The following GNPDA1 variants were observed in gnomAD, a reference collection of about 807,000 sequenced individuals.
The protein encoded by GNPDA1 is glucosamine-6-phosphate deaminase 1.
A neutral mutation model predicts 28.5 loss-of-function variants in GNPDA1; 24 were observed. That is an observed-to-expected ratio of 0.84 (90% confidence interval 0.61 to 1.19). The LOEUF is 1.19. Among genes scored for constraint, GNPDA1 ranks in the 50% most tolerant of loss-of-function variants. The probability of loss-of-function intolerance (pLI) is 0.00; values close to 1 mark genes in which losing one functional copy is unlikely to be tolerated. For missense variants in GNPDA1, 264 were observed against 367.3 expected (o/e 0.72, Z 2.30); for synonymous variants, 147 against 139.3 (o/e 1.06, Z -0.39).
In GNPDA1 at chr5:142,001,859, A is replaced by T; in HGVS notation, c.*170T>A. The T allele has an allele frequency of 2.3e-6, 1 of 441,456 alleles. No homozygotes were observed. Among genetic ancestry groups the T allele is most frequent in the East Asian group, 3.4e-5 (1 of 29,058 alleles). 27.3% of individuals were successfully genotyped at this position (441,456 alleles called of 1,614,324 possible). ...ATTAAGTTACAAACATTCTCCCTAT[A>T]GCTAAACTCCGTGACTAGGCTCCCA... On this transcript the variant is annotated 3_prime_UTR_variant, in exon 7 of 7. Transcript: ENST00000311337.
intron 1 of GNPDA1, chr5:142,012,750 T>C: frequency 1.0e-6 from 1 of 960,008 alleles, no homozygotes; most frequent in Non-Finnish European, 1.2e-6. Context: ...AGGAGGACAT[T>C]TTGTTCCCCC....
chr5:142,008,755 A>AAC (rs1402091849), intron 2 of GNPDA1, among the ~76,000 whole-genome samples: 2 of 152,248 alleles, frequency 1.3e-5, no homozygotes, highest in African/African-American at 4.8e-5. Context: ...ATGTCATAAA[A>AAC]ACACACACAC....
intron 2 of GNPDA1, among the ~76,000 whole-genome samples, chr5:142,011,329 C>A (rs1755950251): frequency 6.6e-6 from 1 of 151,516 alleles, no homozygotes; most frequent in South Asian, 2.1e-4. Context: ...TCAGGTAGGG[C>A]CACTAGGGCA....
chr5:142,007,725 C>T (rs1165554667), intron 3 of GNPDA1, 74 bp downstream of exon 3: 1 of 871,896 alleles, frequency 1.1e-6, no homozygotes, highest in Non-Finnish European at 1.9e-6. Context: ...GATTCCTCTC[C>T]AGGACTGGGC....
At position 142,003,864 on chromosome 5, in the gene GNPDA1, G is replaced by A. The variant is rs758633091; in HGVS notation, c.595-602C>T. 3.9e-5 allele frequency among the ~76,000 whole-genome samples: 6 copies of A among 152,140 alleles called. No homozygotes were observed. Among genetic ancestry groups the A allele is most frequent in the Admixed American group, 6.5e-5 (1 of 15,272 alleles). ...GTCTCCACTTAACAGTTAAAATATCGAGAATGTAAGTGATCTTAAAGAACT... is the reference window on the plus strand; with the variant it reads ...GTCTCCACTTAACAGTTAAAATATCAAGAATGTAAGTGATCTTAAAGAACT... On this transcript the variant is annotated intron_variant, in intron 5 of 6. Transcript: ENST00000311337. The surrounding 1 kb of genome is among the most constrained non-coding windows in gnomAD (Gnocchi z 4.0).
chr5:142,012,720 G>GAA, intron 1 of GNPDA1: 1 of 979,380 alleles, frequency 1.0e-6, no homozygotes, highest in Non-Finnish European at 1.2e-6. Flanking sequence ...GCACAAAAGG[G>GAA]AAAAGGTAAT....
In GNPDA1 at chr5:142,003,136, C is replaced by G; in HGVS notation, c.721G>C (p.Glu241Gln). 1.2e-6 allele frequency: 2 copies of G among 1,614,130 alleles called. No homozygotes were observed. Among genetic ancestry groups the G allele is most frequent in the East Asian group, 2.2e-5 (1 of 44,886 alleles). Residue 241 changes from glutamate to glutamine, a missense_variant, in exon 6 of 7, where the codon GAG (glutamate) becomes CAG (glutamine). Coordinates refer to ENST00000311337, the MANE Select transcript of GNPDA1 (RefSeq NM_005471.5). The surrounding 1 kb of genome is among the most constrained non-coding windows in gnomAD (Gnocchi z 4.0). ...QHPRTVFVCD[E>Q]DATLELKVKT... is the part of the protein sequence containing the mutation. ...ACTTTCAGCTCCAAGGTGGCATCCTCGTCACACACAAACACGGTGCGGGGA... is the reference window on the plus strand; with the variant it reads ...ACTTTCAGCTCCAAGGTGGCATCCTGGTCACACACAAACACGGTGCGGGGA...
chr5:142,008,695 C>A lies in GNPDA1; in HGVS notation c.125-795G>T, dbSNP rs528503577. ...TGGGCCGAGATTGCACCACTGCACTCCAGCCTGGCCAATAGAGCCAGACTC... is the reference window on the plus strand; with the variant it reads ...TGGGCCGAGATTGCACCACTGCACTACAGCCTGGCCAATAGAGCCAGACTC... On this transcript the variant is annotated intron_variant, in intron 2 of 6. Transcript: ENST00000311337. Among the ~76,000 whole-genome samples, 4 of 151,958 alleles carry A rather than the reference C, an allele frequency of 2.6e-5. No individual in the cohort carries two copies. In the East Asian group the frequency reaches 7.7e-4, roughly 29 times the overall value.
intron 6 of GNPDA1, 109 bp from the exon 7 acceptor site, chr5:142,002,238 TTC>T (rs1755693008): frequency 1.6e-6 from 1 of 611,680 alleles, no homozygotes; most frequent in Non-Finnish European, 2.9e-6. Context: ...GAGCTGACAC[TTC>T]TCTCTTTTCT....
At position 142,001,996 on chromosome 5, in the gene GNPDA1, C is replaced by G; in HGVS notation, c.*33G>C. 1 of 1,069,710 alleles carries G rather than the reference C, an allele frequency of 9.3e-7. No homozygotes were observed. Among genetic ancestry groups the G allele is most frequent in the Non-Finnish European group, 1.4e-6 (1 of 696,708 alleles). 66.3% of individuals were successfully genotyped at this position (1,069,710 alleles called of 1,614,324 possible). A position where few individuals can be genotyped will look rare whatever the true frequency, so the allele number is the denominator to read the frequency against. On this transcript the variant is annotated 3_prime_UTR_variant, in exon 7 of 7. Coordinates refer to ENST00000311337, the MANE Select transcript of GNPDA1 (RefSeq NM_005471.5). ...AATTTCCAGAAAGACCTGCCTTTCCCTATGGGTACTTGACACTAGGTCCCA... is the reference window on the plus strand; with the variant it reads ...AATTTCCAGAAAGACCTGCCTTTCCGTATGGGTACTTGACACTAGGTCCCA...
At chr5:142,008,422 T>C (rs150765546) in intron 2 of GNPDA1, among the ~76,000 whole-genome samples, 341 of 152,118 alleles carry the variant, frequency 2.2e-3, no homozygotes, top group African/African-American at 7.7e-3. Context: ...CCTAGTTGAG[T>C]CTCATTAAAA....
At chr5:142,012,186 A>G (rs1205343902) in intron 1 of GNPDA1, 145 bp from the exon 2 acceptor site, 8 of 709,406 alleles carry the variant, frequency 1.1e-5, no homozygotes, top group East Asian at 2.9e-5. Flanking sequence ...TTCTATTCAC[A>G]GAGGAGCTAA....
intron 1 of GNPDA1, 45 bp downstream of exon 1, chr5:142,012,950 T>G (rs1561574933): frequency 6.6e-6 from 1 of 150,752 alleles, no homozygotes; most frequent in African/African-American, 2.4e-5. Context: ...CGCTCCGCGC[T>G]CCGGCCCGCG....
At position 142,003,156 on chromosome 5, in the gene GNPDA1, C is replaced by T. The variant is rs370128744; in HGVS notation, c.701G>A (p.Arg234His). ...ATCCTCGTCACACACAAACACGGTG[C>T]GGGGATGCTGCTGGAAGGCAGACAC... Reference protein sequence around the residue: ...WTVSAFQQHPRTVFVCDEDAT... With the variant: ...WTVSAFQQHPHTVFVCDEDAT... Residue 234 changes from arginine to histidine, a missense_variant, in exon 6 of 7, where the codon CGC becomes CAC. By Grantham distance (29) the Arg-to-His change is conservative (BLOSUM62 0). Coordinates refer to ENST00000311337, the MANE Select transcript of GNPDA1 (RefSeq NM_005471.5). This position sits in a 1 kb window ranked among gnomAD's most constrained non-coding sequence, Gnocchi z 4.0. 1.1e-5 allele frequency: 18 copies of T among 1,613,978 alleles called. No individual in the cohort carries two copies. The highest frequency in any genetic ancestry group is 6.7e-5 in the Admixed American group (4 of 59,988).
chr5:142,012,635 C>G (rs980437776), intron 1 of GNPDA1: 10 of 418,966 alleles, frequency 2.4e-5, no homozygotes, highest in Non-Finnish European at 3.2e-5. Flanking sequence ...TGTGCTCTCT[C>G]TGGACTAGCG....
chr5:142,011,813 C>T, intron 2 of GNPDA1, 99 bp downstream of exon 2: 1 of 1,356,972 alleles, frequency 7.4e-7, no homozygotes, highest in Non-Finnish European at 1.1e-6. Flanking sequence ...ACCCCAGAGC[C>T]CCCGTGAAGT....
At chr5:142,007,106 G>T (rs1354124594) in intron 3 of GNPDA1, among the ~76,000 whole-genome samples, 1 of 152,034 alleles carries the variant, frequency 6.6e-6, no homozygotes. Flanking sequence ...TTGTTTCACG[G>T]GTATAGAGCC....
chr5:142,008,952 A>G (rs1332316594), intron 2 of GNPDA1, among the ~76,000 whole-genome samples: 2 of 152,144 alleles, frequency 1.3e-5, no homozygotes, highest in African/African-American at 4.8e-5. Flanking sequence ...TGATGGTATC[A>G]TGGTTGTGTA....
chr5:142,006,545 G>T (rs1755809853), intron 3 of GNPDA1, among the ~76,000 whole-genome samples: 1 of 152,180 alleles, frequency 6.6e-6, no homozygotes, highest in Admixed American at 6.5e-5. Flanking sequence ...TGGCCACAGG[G>T]CTTGGCCAGA....
Sources: allele counts gnomAD v4.1 joint callset (sites outside exome capture counted in the v4.1 genomes callset), GRCh38; gene constraint gnomAD v4.1.1; non-coding constraint Gnocchi (gnomAD v3.1); transcripts MANE v1.5; gene names NCBI Gene and HGNC (gene_info 2026-07-23, HGNC 2026-07-21).